PDE4D: variants seen among roughly 807,000 people sequenced by gnomAD.
The protein encoded by PDE4D is phosphodiesterase 4D, also known as 3',5'-cyclic-AMP phosphodiesterase 4D.
PDE4D carries 24 observed loss-of-function variants against 87.4 expected under a neutral mutation model. The ratio of observed to expected loss-of-function variants is 0.27; its 90% CI spans 0.20 to 0.39. The LOEUF is 0.39. PDE4D is among the 10% of genes least tolerant of loss of function. The probability of loss-of-function intolerance (pLI) is 1.00; values close to 1 mark genes in which losing one functional copy is unlikely to be tolerated. For missense variants in PDE4D, 714 were observed against 1,041.0 expected (o/e 0.69, Z 4.32); for synonymous variants, 384 against 383.2 (o/e 1.00, Z -0.02).
At position 59,735,857 on chromosome 5, in the gene PDE4D, C is replaced by T. The variant is rs191349856; in HGVS notation, c.455+157311G>A. ...AATTTTTAAATATTTTTAGTACAGA[C>T]GGGATTTCACCATGTTGGTCAGGCT... On this transcript the variant is annotated intron_variant, in intron 1 of 14. Coordinates refer to ENST00000340635, the MANE Select transcript of PDE4D (RefSeq NM_001104631.2). Among the ~76,000 whole-genome samples, 445 of 152,042 alleles carry T rather than the reference C, an allele frequency of 2.9e-3. 5 individuals are homozygous for T. The highest frequency in any genetic ancestry group is 0.02 in the Middle Eastern group (6 of 294).
chr5:59,009,678 T>A (rs1414069663), intron 6 of PDE4D, among the ~76,000 whole-genome samples: 2 of 152,060 alleles, frequency 1.3e-5, no homozygotes, highest in African/African-American at 2.4e-5. Flanking sequence ...AATTACACAT[T>A]ACCTATATAT....
At position 59,429,988 on chromosome 5, in the gene PDE4D, T is replaced by C. The variant is rs886445625; in HGVS notation, c.456-214020A>G. 2.0e-5 allele frequency among the ~76,000 whole-genome samples: 3 copies of C among 152,132 alleles called. No homozygotes were observed. The South Asian group carries it at 6.2e-4, about 31-fold the overall frequency. ...AGCCATATAGCCATCAATAAATATA[T>C]CCATTATTTGGCTAAATCCTCTTTC... is the stretch of plus-strand genomic sequence containing the variant. On this transcript the variant is annotated intron_variant, in intron 1 of 14. Coordinates refer to ENST00000340635, the MANE Select transcript of PDE4D (RefSeq NM_001104631.2).
chr5:60,246,686 AT>A (rs770502032), intron 1 of PDE4D, among the ~76,000 whole-genome samples: 4 of 151,522 alleles, frequency 2.6e-5, no homozygotes, highest in Non-Finnish European at 5.9e-5. Flanking sequence ...CATTTTCAAT[AT>A]TCATTTTTCA....
chr5:59,731,067 C>A (rs1031827805), intron 1 of PDE4D, among the ~76,000 whole-genome samples: 4 of 152,030 alleles, frequency 2.6e-5, no homozygotes, highest in African/African-American at 7.2e-5. Context: ...TTCTCCCTTT[C>A]ATTCTTATTT....
At position 59,614,022 on chromosome 5, in the gene PDE4D, AT is replaced by A. The variant is rs564219802; in HGVS notation, c.455+279145del. Among the ~76,000 whole-genome samples the A allele has an allele frequency of 5.4e-3, 820 of 152,244 alleles. 6 individuals are homozygous for A. Among genetic ancestry groups the A allele is most frequent in the Non-Finnish European group, 9.0e-3 (609 of 68,016 alleles). ...AAAAATTTTTCTATAACTCAAAAAAATATTTTGAGTTACAGTTTACACATTA... is the reference window on the plus strand; with the variant it reads ...AAAAATTTTTCTATAACTCAAAAAAAATTTTGAGTTACAGTTTACACATTA... On this transcript the variant is annotated intron_variant, in intron 1 of 14. Coordinates refer to ENST00000340635, the MANE Select transcript of PDE4D (RefSeq NM_001104631.2).
intron 1 of PDE4D, among the ~76,000 whole-genome samples, chr5:59,310,499 C>T (rs948988850): frequency 1.3e-5 from 2 of 152,062 alleles, no homozygotes; most frequent in Non-Finnish European, 2.9e-5. Context: ...TGTATGTGGT[C>T]CATTAAGAGC....
At chr5:60,171,932 C>T (rs956852368) in intron 2 of PDE4D, among the ~76,000 whole-genome samples, 1 of 151,452 alleles carries the variant, frequency 6.6e-6, no homozygotes, top group Non-Finnish European at 1.5e-5. Context: ...AGACTTTTTC[C>T]TCATATTCTC....
At chr5:59,739,262 A>C (rs866120008) in intron 1 of PDE4D, among the ~76,000 whole-genome samples, 4 of 152,102 alleles carry the variant, frequency 2.6e-5, no homozygotes, top group Admixed American at 2.6e-4. Context: ...TTTACTAAAA[A>C]TACAAAAATT....
At chr5:59,418,255 T>G (rs940335636) in intron 1 of PDE4D, among the ~76,000 whole-genome samples, 1 of 152,230 alleles carries the variant, frequency 6.6e-6, no homozygotes, top group African/African-American at 2.4e-5. Flanking sequence ...TTAATTTTCA[T>G]GACCCTAAAA....
chr5:60,390,879 A>G lies in PDE4D; in HGVS notation c.-90+97063T>C, dbSNP rs960186182. ...GTCACTGGCTGTTTCTTCCTTCCTA[A>G]AAGAAGTCCTCGGGTCTTTATTTAC... On this transcript the variant is annotated intron_variant, in intron 1 of 16. Transcript: ENST00000502484. 8.5e-5 allele frequency among the ~76,000 whole-genome samples: 13 copies of G among 152,148 alleles called. No individual in the cohort carries two copies. In the Middle Eastern group the frequency reaches 0.014, roughly 160 times the overall value.
rs192996707 is a variant in PDE4D at position 59,174,791 on chromosome 5, G to A, written c.808+5804C>T. Among the ~76,000 whole-genome samples, 13 of 152,174 alleles carry A rather than the reference G, an allele frequency of 8.5e-5. No homozygotes were observed. The East Asian group carries it at 2.3e-3, about 27-fold the overall frequency. The stretch of plus-strand genomic sequence containing the variant: ...AAGGTGTAAGAAGGACCATGGACTC[G>A]AAAAAGGAACCACATGTTTATTCCT... On this transcript the variant is annotated intron_variant, in intron 5 of 14. Coordinates refer to ENST00000340635, the MANE Select transcript of PDE4D (RefSeq NM_001104631.2).
intron 1 of PDE4D, among the ~76,000 whole-genome samples, chr5:59,730,167 A>T (rs1262107173): frequency 6.6e-6 from 1 of 152,106 alleles, no homozygotes; most frequent in African/African-American, 2.4e-5. Context: ...TCCAAGCCGG[A>T]AAACTTCAGG....
intron 2 of PDE4D, among the ~76,000 whole-genome samples, chr5:59,202,811 G>A (rs1035679624): frequency 2.0e-5 from 3 of 152,110 alleles, no homozygotes; most frequent in African/African-American, 4.8e-5. Context: ...GGCCTCCCCA[G>A]CCACGTGGAA....
At chr5:60,380,038 T>C (rs2150003770) in intron 1 of PDE4D, among the ~76,000 whole-genome samples, 1 of 152,224 alleles carries the variant, frequency 6.6e-6, no homozygotes, top group Non-Finnish European at 1.5e-5. Context: ...GTATAAAAGG[T>C]GCTAAGATAA....
intron 2 of PDE4D, among the ~76,000 whole-genome samples, chr5:60,084,428 G>A (rs78117007): frequency 0.015 from 2,240 of 151,932 alleles, 19 homozygotes; most frequent in Non-Finnish European, 0.021. Flanking sequence ...GTGCGCATGC[G>A]CACGCATGTG....
intron 2 of PDE4D, among the ~76,000 whole-genome samples, chr5:60,037,730 T>C (rs1341553042): frequency 1.3e-5 from 2 of 152,178 alleles, no homozygotes; most frequent in Admixed American, 1.3e-4. Flanking sequence ...TCCTAACCTA[T>C]TTATGTGCAA....
chr5:59,748,675 T>C (rs1294757321), intron 1 of PDE4D, among the ~76,000 whole-genome samples: 1 of 148,604 alleles, frequency 6.7e-6, no homozygotes, highest in East Asian at 2.0e-4. Context: ...GGGAGAGGGA[T>C]AGCATTAGGA....
chr5:59,386,824 A>G (rs1787154475), intron 1 of PDE4D, among the ~76,000 whole-genome samples: 1 of 152,192 alleles, frequency 6.6e-6, no homozygotes, highest in African/African-American at 2.4e-5. Context: ...TACTCCTACA[A>G]GAATTCCTTT....
intron 1 of PDE4D, chr5:60,460,690 C>T (rs1746859425): frequency 1.0e-6 from 1 of 968,706 alleles, no homozygotes. Context: ...AGGAGGCATT[C>T]TTGGTTTCTT....
Sources: gnomAD v4.1 joint callset for allele counts (sites outside exome capture counted in the v4.1 genomes callset) on GRCh38, gnomAD v4.1.1 for gene constraint, MANE v1.5 for transcripts, NCBI Gene and HGNC (gene_info 2026-07-23, HGNC 2026-07-21) for gene names.